Variants in ARHGEF26 observed in about 807,000 individuals in gnomAD.
ARHGEF26 encodes Rho guanine nucleotide exchange factor (GEF) 26.
Under a neutral mutation model 89.4 loss-of-function variants are expected in ARHGEF26, and 59 were observed. The observed-to-expected ratio is 0.66, with a 90% confidence interval of 0.54 to 0.82. The LOEUF (loss-of-function observed/expected upper bound fraction) is 0.82. Ranked by LOEUF, ARHGEF26 falls within the 40% of genes least tolerant of loss-of-function variation. The pLI, the probability that ARHGEF26 is intolerant of heterozygous loss-of-function variation, is 0.00. For missense variants in ARHGEF26, 1,234 were observed against 1,085.6 expected (o/e 1.14, Z -1.92); for synonymous variants, 500 against 428.4 (o/e 1.17, Z -2.06).
At chr3:154,187,995 A>T (rs9869597) in intron 7 of ARHGEF26, among the ~76,000 whole-genome samples, 158 bp downstream of exon 7, 26,028 of 152,186 alleles carry the variant, frequency 0.17, 2,697 homozygotes, top group South Asian at 0.37. Context: ...TTTTAGGGTG[A>T]GGGTGTTTAA....
At position 154,121,984 on chromosome 3, in the gene ARHGEF26, G is replaced by A. The variant is rs367824965; in HGVS notation, c.-9G>A. 47 of 1,581,090 alleles carry A rather than the reference G, an allele frequency of 3.0e-5. No homozygotes were observed. The highest frequency in any genetic ancestry group is 3.8e-5 in the Non-Finnish European group (44 of 1,157,840). ...TTGCTCCTCCCGGCGCTGACTTCGA[G>A]GCCCGGCTATGGACGGCGAGAGCGA... On this transcript the variant is annotated 5_prime_UTR_variant, in exon 2 of 15. Coordinates refer to ENST00000465093, the MANE Select transcript of ARHGEF26 (RefSeq NM_015595.4).
chr3:154,189,939 C>G (rs1350684722), intron 7 of ARHGEF26, among the ~76,000 whole-genome samples: 1 of 151,736 alleles, frequency 6.6e-6, no homozygotes, highest in African/African-American at 2.4e-5. Flanking sequence ...TGTATAATTT[C>G]TTTTCATTTG....
intron 12 of ARHGEF26, among the ~76,000 whole-genome samples, chr3:154,251,012 CT>C (rs1718116175): frequency 6.6e-6 from 1 of 151,824 alleles, no homozygotes; most frequent in Non-Finnish European, 1.5e-5. Flanking sequence ...GGAGCCTTGG[CT>C]TCTATATAAA....
chr3:154,195,010 C>T (rs1714200841), intron 9 of ARHGEF26, among the ~76,000 whole-genome samples: 1 of 152,204 alleles, frequency 6.6e-6, no homozygotes, highest in African/African-American at 2.4e-5. Context: ...GTATCAACCA[C>T]TGTGCCAAGA....
In ARHGEF26 at chr3:154,240,518, C is replaced by G. The variant is rs1356113916; in HGVS notation, c.2239C>G (p.Leu747Val). The G allele has an allele frequency of 6.2e-7, 1 of 1,613,296 alleles. No homozygotes were observed. Among genetic ancestry groups the G allele is most frequent in the South Asian group, 1.1e-5 (1 of 90,914 alleles). ...GAGCTCTGCCAGTCACCTCTTTACT[C>G]TGACAGTCCTTAGTAACCACGCGAA... The part of the protein sequence containing the change: ...RQSSASHLFT[L>V]TVLSNHANEK... Residue 747 changes from leucine (L) to valine (V), a missense_variant, in exon 12 of 15, where the codon CTG (leucine) becomes GTG (valine). Leu to Val is a conservative substitution (Grantham distance 32, BLOSUM62 1). Coordinates refer to ENST00000465093, the MANE Select transcript of ARHGEF26 (RefSeq NM_015595.4).
At chr3:154,137,921 T>C (rs576849286) in intron 4 of ARHGEF26, among the ~76,000 whole-genome samples, 2 of 152,128 alleles carry the variant, frequency 1.3e-5, no homozygotes, top group South Asian at 2.1e-4. Flanking sequence ...CCCTTCTCCA[T>C]AGATAATGCT....
chr3:154,222,397 C>G (rs1208599440), intron 10 of ARHGEF26, among the ~76,000 whole-genome samples: 1 of 152,184 alleles, frequency 6.6e-6, no homozygotes, highest in African/African-American at 2.4e-5. Context: ...AGTTAGAGCA[C>G]AGGCTCCAGA....
At chr3:154,127,922 T>C (rs1030544297) in intron 3 of ARHGEF26, among the ~76,000 whole-genome samples, 1 of 152,194 alleles carries the variant, frequency 6.6e-6, no homozygotes, top group Non-Finnish European at 1.5e-5. Context: ...TATTATGCAA[T>C]GCGTGACTGT....
chr3:154,222,453 G>C (rs1483703664), intron 10 of ARHGEF26, among the ~76,000 whole-genome samples: 1 of 152,172 alleles, frequency 6.6e-6, no homozygotes, highest in Non-Finnish European at 1.5e-5. Flanking sequence ...CTTACTAGCT[G>C]TACAACCTTG....
chr3:154,187,179 C>A, intron 6 of ARHGEF26: 1 of 981,596 alleles, frequency 1.0e-6, no homozygotes, highest in Non-Finnish European at 1.2e-6. Flanking sequence ...TGTGAGCCAC[C>A]ACACCTCCTG....
At chr3:154,164,008 G>T (rs1367812174) in intron 6 of ARHGEF26, among the ~76,000 whole-genome samples, 1 of 152,064 alleles carries the variant, frequency 6.6e-6, no homozygotes, top group African/African-American at 2.4e-5. Context: ...AGGAAGAAAA[G>T]AAAATGTATG....
At chr3:154,170,048 T>G (rs1382916153) in intron 6 of ARHGEF26, among the ~76,000 whole-genome samples, 1 of 151,952 alleles carries the variant, frequency 6.6e-6, no homozygotes, top group African/African-American at 2.4e-5. Flanking sequence ...GAGGAATAAT[T>G]TAGTTTAGCT....
intron 4 of ARHGEF26, among the ~76,000 whole-genome samples, chr3:154,146,604 T>C (rs1719722484): frequency 6.6e-6 from 1 of 152,220 alleles, no homozygotes; most frequent in South Asian, 2.1e-4. Context: ...ATATCAGTTA[T>C]AAAGATCACA....
At chr3:154,217,102 G>T (rs1715808814) in intron 9 of ARHGEF26, among the ~76,000 whole-genome samples, 2 of 151,810 alleles carry the variant, frequency 1.3e-5, no homozygotes, top group South Asian at 4.2e-4. Flanking sequence ...TCCCTGAGGA[G>T]TCACCACACT....
chr3:154,171,672 C>T (rs1457904328), intron 6 of ARHGEF26, among the ~76,000 whole-genome samples: 1 of 152,108 alleles, frequency 6.6e-6, no homozygotes, highest in Non-Finnish European at 1.5e-5. Flanking sequence ...ATAAGAGGCA[C>T]TATTGAACAG....
intron 6 of ARHGEF26, among the ~76,000 whole-genome samples, chr3:154,159,531 C>T (rs1000486240): frequency 1.3e-4 from 20 of 152,044 alleles, no homozygotes; most frequent in Non-Finnish European, 2.5e-4. Flanking sequence ...ACTTACCCCG[C>T]ACTTGCTTCT....
At chr3:154,136,401 C>T (rs780746532) in intron 4 of ARHGEF26, among the ~76,000 whole-genome samples, 1 of 152,122 alleles carries the variant, frequency 6.6e-6, no homozygotes, top group Non-Finnish European at 1.5e-5. Context: ...ACCTCAGTCT[C>T]TGGTTCTGGG....
chr3:154,256,663 A>G lies in ARHGEF26; in HGVS notation c.*1190A>G, dbSNP rs1313991559. The G allele has an allele frequency of 1.7e-6, 2 of 1,211,058 alleles. No homozygotes were observed. Among genetic ancestry groups the G allele is most frequent in the Admixed American group, 4.3e-5 (1 of 23,086 alleles). The allele number at this position is 1,211,058 out of a possible 1,614,324, so 75.0% of individuals were successfully genotyped here. A position where few individuals can be genotyped will look rare whatever the true frequency, so the allele number is the denominator to read the frequency against. On this transcript the variant is annotated 3_prime_UTR_variant, in exon 15 of 15. Coordinates refer to ENST00000465093, the MANE Select transcript of ARHGEF26 (RefSeq NM_015595.4). Reference sequence around the variant, plus strand: ...TTTCAGCTGTTCCAACTCGTTTCCAAATAGAAATTAGCTGGAACACACTAC... The same window carrying G: ...TTTCAGCTGTTCCAACTCGTTTCCAGATAGAAATTAGCTGGAACACACTAC...
chr3:154,199,692 G>A (rs1266364596), intron 9 of ARHGEF26, among the ~76,000 whole-genome samples: 1 of 152,128 alleles, frequency 6.6e-6, no homozygotes, highest in African/African-American at 2.4e-5. Context: ...CAGTGTATGA[G>A]GGTTCTCTTT....
Sources: gnomAD v4.1 joint callset for allele counts (sites outside exome capture counted in the v4.1 genomes callset) on GRCh38, gnomAD v4.1.1 for gene constraint, MANE v1.5 for transcripts, NCBI Gene and HGNC (gene_info 2026-07-23, HGNC 2026-07-21) for gene names.